AKAP13: variants seen among roughly 807,000 people sequenced by gnomAD.
AKAP13 encodes A-kinase anchoring protein 13, also known as A-kinase anchor protein 13.
In AKAP13, 80 loss-of-function variants were observed where a neutral mutation model predicts 264.5. That is an observed-to-expected ratio of 0.30 (90% confidence interval 0.25 to 0.36). AKAP13 has a LOEUF of 0.36. Ranked by LOEUF, AKAP13 falls within the 10% of genes least tolerant of loss-of-function variation. The pLI is 1.00. For synonymous variants in AKAP13, 1,380 were observed against 1,250.2 expected (o/e 1.10, Z -2.19); for missense variants, 3,712 against 3,435.2 (o/e 1.08, Z -2.01).
chr15:85,497,425 AG>A (rs1188299294), intron 2 of AKAP13, among the ~76,000 whole-genome samples: 2 of 152,170 alleles, frequency 1.3e-5, no homozygotes, highest in African/African-American at 4.8e-5. Context: ...CTTTCAGAAA[AG>A]GTGGGGGCTC....
intron 8 of AKAP13, chr15:85,619,732 T>C: frequency 9.9e-7 from 1 of 1,015,124 alleles, no homozygotes; most frequent in Non-Finnish European, 1.2e-6. Flanking sequence ...TTCTTTATTT[T>C]TTTACTGGAG....
Position 85,723,371 on chromosome 15 carries a change from A to G in AKAP13, c.6745+51A>G, listed in dbSNP as rs371607587. The G allele has an allele frequency of 5.1e-5, 81 of 1,587,076 alleles. No individual in the cohort carries two copies. The African/African-American group carries it at 1.0e-3, about 20-fold the overall frequency. On this transcript the variant is annotated intron_variant, in intron 26 of 36. Coordinates refer to ENST00000394518, the MANE Select transcript of AKAP13 (RefSeq NM_007200.5). ...GTATGTGCCCAGGTAAAACAGGCAA[A>G]AATCCAAGTGCTTTTGTTGGAAATT...
intron 9 of AKAP13, among the ~76,000 whole-genome samples, chr15:85,645,017 G>A (rs1315765366): frequency 6.6e-6 from 1 of 152,178 alleles, no homozygotes; most frequent in Non-Finnish European, 1.5e-5. Flanking sequence ...CTACTTGGGA[G>A]GCTAAGGTGT....
At chr15:85,383,332 A>G (rs1345794455) in intron 1 of AKAP13, among the ~76,000 whole-genome samples, 2 of 152,200 alleles carry the variant, frequency 1.3e-5, no homozygotes, top group African/African-American at 2.4e-5. Context: ...TCCATTGACT[A>G]GTTGCATAGC....
At chr15:85,481,354 G>A (rs149607816) in intron 1 of AKAP13, among the ~76,000 whole-genome samples, 34 of 152,184 alleles carry the variant, frequency 2.2e-4, no homozygotes, top group African/African-American at 7.2e-4. Context: ...TTAAAATGTA[G>A]GAAGAGAATT....
chr15:85,482,203 G>A (rs2075372900), intron 1 of AKAP13, among the ~76,000 whole-genome samples: 1 of 152,112 alleles, frequency 6.6e-6, no homozygotes. Flanking sequence ...CCTTTTAGCT[G>A]TTATTTCTAT....
At chr15:85,595,105 T>C (rs2079755885) in intron 8 of AKAP13, among the ~76,000 whole-genome samples, 1 of 152,140 alleles carries the variant, frequency 6.6e-6, no homozygotes, top group African/African-American at 2.4e-5. Context: ...TTTGTTTTTG[T>C]TTTTGTTTTG....
intron 19 of AKAP13, among the ~76,000 whole-genome samples, chr15:85,714,045 T>C (rs775696526): frequency 1.3e-5 from 2 of 152,132 alleles, no homozygotes; most frequent in Non-Finnish European, 2.9e-5. Context: ...ACATAAAACT[T>C]TTTGACTCCC....
intron 16 of AKAP13, among the ~76,000 whole-genome samples, chr15:85,686,194 T>C (rs2467095): frequency 7.3e-6 from 1 of 136,078 alleles, no homozygotes; most frequent in South Asian, 2.5e-4. Context: ...TGCATGCATG[T>C]GTGTGTGTGT....
In AKAP13 at chr15:85,579,282, C is replaced by A. The variant is rs2079110806; in HGVS notation, c.1214C>A (p.Pro405His). Residue 405 changes from proline (P) to histidine (H), a missense_variant, in exon 7 of 37, where the codon CCT becomes CAT. Physicochemically the swap from Pro to His is moderately conservative, Grantham distance 77. This residue lies in a region of AKAP13 where 2,759 missense variants were observed against 2,411.7 expected (regional missense o/e 1.14). Transcript: ENST00000394518. ...SDQDSCLQSLPDCGVKGTEGL... is the reference protein window; with the variant it reads ...SDQDSCLQSLHDCGVKGTEGL... ...CAAGACAGCTGCCTTCAGAGCTTGCCTGATTGTGGAGTAAAGGGCACGGAA... is the reference window on the plus strand; with the variant it reads ...CAAGACAGCTGCCTTCAGAGCTTGCATGATTGTGGAGTAAAGGGCACGGAA... 6.2e-7 allele frequency: 1 copy of A among 1,614,104 alleles called. No individual in the cohort carries two copies. The highest frequency in any genetic ancestry group is 8.5e-7 in the Non-Finnish European group (1 of 1,180,056).
At chr15:85,660,377 A>G (rs77424701) in intron 12 of AKAP13, among the ~76,000 whole-genome samples, 1 of 134,470 alleles carries the variant, frequency 7.4e-6, no homozygotes, top group East Asian at 2.1e-4. Context: ...AAAAAAAAAA[A>G]AAGCTTTTAT....
At chr15:85,633,546 T>C (rs567115567) in intron 8 of AKAP13, among the ~76,000 whole-genome samples, 55 of 132,548 alleles carry the variant, frequency 4.1e-4, no homozygotes, top group Admixed American at 1.1e-3. Flanking sequence ...TTTTTTTTTT[T>C]TTTTTTTTTT....
At chr15:85,465,911 C>G (rs1043662797) in intron 1 of AKAP13, among the ~76,000 whole-genome samples, 30 of 148,360 alleles carry the variant, frequency 2.0e-4, no homozygotes, top group African/African-American at 7.0e-4. Flanking sequence ...AGTTCTAGAT[C>G]CCTGAGGAAT....
At position 85,433,628 on chromosome 15, in the gene AKAP13, T is replaced by G. The variant is rs1345382010; in HGVS notation, c.-11-52082T>G. Reference sequence around the variant, plus strand: ...GTATTAGCTAAGCTTCCTAAACACATGGATGTTTGTGTAAGATTAGTATGG... The same window carrying G: ...GTATTAGCTAAGCTTCCTAAACACAGGGATGTTTGTGTAAGATTAGTATGG... On this transcript the variant is annotated intron_variant, in intron 1 of 36. Coordinates refer to ENST00000394518, the MANE Select transcript of AKAP13 (RefSeq NM_007200.5). Among the ~76,000 whole-genome samples the G allele has an allele frequency of 2.0e-5, 3 of 151,946 alleles. No individual in the cohort carries two copies. In the East Asian group the frequency reaches 5.8e-4, roughly 29 times the overall value.
chr15:85,455,269 A>T (rs1567065709), intron 1 of AKAP13, among the ~76,000 whole-genome samples: 1 of 152,198 alleles, frequency 6.6e-6, no homozygotes, highest in Non-Finnish European at 1.5e-5. Flanking sequence ...AGAATTAGGC[A>T]GAGTGGGAGT....
intron 10 of AKAP13, among the ~76,000 whole-genome samples, chr15:85,650,349 T>C (rs1162390600): frequency 2.0e-5 from 3 of 152,004 alleles, no homozygotes; most frequent in Non-Finnish European, 4.4e-5. Flanking sequence ...GAGGATCACT[T>C]GAGCCTTGAA....
At position 85,658,557 on chromosome 15, in the gene AKAP13, A is replaced by T. The variant is rs746031213; in HGVS notation, c.4766A>T (p.Asp1589Val). Residue 1589 changes from aspartate to valine, a missense_variant, in exon 12 of 37, where the codon GAT becomes GTT. Coordinates refer to ENST00000394518, the MANE Select transcript of AKAP13 (RefSeq NM_007200.5). ...NHRSSMRVLG[D>V]VVRRPPIHRR... ...TTCAGTTCAATGCGAGTTCTTGGGG[A>T]TGTTGTCAGGAGACCTCCCATTCAT... The T allele has an allele frequency of 5.3e-5, 85 of 1,613,744 alleles. No individual in the cohort carries two copies. Among genetic ancestry groups the T allele is most frequent in the Non-Finnish European group, 7.0e-5 (83 of 1,179,924 alleles).
intron 9 of AKAP13, among the ~76,000 whole-genome samples, chr15:85,645,115 G>T (rs1340725911): frequency 6.6e-6 from 1 of 152,144 alleles, no homozygotes. Context: ...ACGAGAACTT[G>T]TCTCAAAATA....
At chr15:85,527,757 G>C (rs2077122998) in intron 3 of AKAP13, among the ~76,000 whole-genome samples, 1 of 152,158 alleles carries the variant, frequency 6.6e-6, no homozygotes, top group Non-Finnish European at 1.5e-5. Flanking sequence ...GTATACTTCT[G>C]CACATAATCC....
Sources: gnomAD v4.1 joint callset for allele counts (sites outside exome capture counted in the v4.1 genomes callset) on GRCh38, gnomAD v4.1.1 for gene constraint, gnomAD v4.1.1 regional missense constraint, MANE v1.5 for transcripts, NCBI Gene and HGNC (gene_info 2026-07-23, HGNC 2026-07-21) for gene names.